GRIA2: variants seen among roughly 807,000 people sequenced by gnomAD.
GRIA2 encodes the protein glutamate receptor 2.
A neutral mutation model predicts 97.3 loss-of-function variants in GRIA2; 14 were observed. That is an observed-to-expected ratio of 0.14 (90% CI 0.10 to 0.23). The LOEUF is 0.23. Among genes scored for constraint, GRIA2 ranks in the 10% least tolerant of loss-of-function variants. GRIA2 has a pLI of 1.00. For synonymous variants in GRIA2, 412 were observed against 387.8 expected, an observed-to-expected ratio of 1.06 and a Z score of -0.73; for missense variants, 558 against 1,069.8, an observed-to-expected ratio of 0.52 and a Z score of 6.67.
chr4:157,361,256 C>A lies in GRIA2; in HGVS notation c.2406+132C>A. 1 of 686,646 alleles carries A rather than the reference C, an allele frequency of 1.5e-6. No homozygotes were observed. Among genetic ancestry groups the A allele is most frequent in the Non-Finnish European group, 2.5e-6 (1 of 400,018 alleles). The allele number at this position is 686,646 out of a possible 1,614,324, so 42.5% of individuals were successfully genotyped here. ...GAAGAGTGCAATTGGATGACCAGGA[C>A]ACTTGACTTCTTCTTTCTTTCTTCC... On this transcript the variant is annotated intron_variant, in intron 14 of 15. Coordinates refer to ENST00000264426, the MANE Select transcript of GRIA2 (RefSeq NM_001083619.3). The surrounding 1 kb of genome is among the most constrained non-coding windows in gnomAD (Gnocchi z 5.2).
intron 2 of GRIA2, among the ~76,000 whole-genome samples, chr4:157,240,294 G>A (rs542319980): frequency 6.4e-4 from 97 of 152,092 alleles, no homozygotes; most frequent in Admixed American, 1.8e-3. Flanking sequence ...ATCTTACTGA[G>A]TATTTCTATT....
chr4:157,336,849 C>G (rs533408613), intron 11 of GRIA2, 102 bp downstream of exon 11: 21 of 1,068,666 alleles, frequency 2.0e-5, no homozygotes, highest in Admixed American at 8.6e-5. Flanking sequence ...TGCCGACTTC[C>G]TGTCCAAGCA....
Position 157,307,027 on chromosome 4 carries a change from C to A in GRIA2, c.469+3236C>A, listed in dbSNP as rs184104602. On this transcript the variant is annotated intron_variant, in intron 3 of 15. Coordinates refer to ENST00000264426, the MANE Select transcript of GRIA2 (RefSeq NM_001083619.3). Reference sequence around the variant, plus strand: ...CTGTTCTTGATGGGCTGTCTCTTCACCTCCTTGATTATGTGATTATTTTTA... The same window carrying A: ...CTGTTCTTGATGGGCTGTCTCTTCAACTCCTTGATTATGTGATTATTTTTA... Among the ~76,000 whole-genome samples, 13 of 152,238 alleles carry A rather than the reference C, an allele frequency of 8.5e-5. No homozygotes were observed. The East Asian group carries it at 2.5e-3, about 29-fold the overall frequency.
chr4:157,247,220 T>A (rs1009083936), intron 2 of GRIA2, among the ~76,000 whole-genome samples: 2 of 152,172 alleles, frequency 1.3e-5, no homozygotes, highest in Non-Finnish European at 2.9e-5. Flanking sequence ...AAACTCAGAT[T>A]CATCATCTCC....
At chr4:157,234,778 G>T (rs62331520) in intron 2 of GRIA2, among the ~76,000 whole-genome samples, 11,232 of 152,130 alleles carry the variant, frequency 0.074, 531 homozygotes, top group Non-Finnish European at 0.1. Flanking sequence ...TCTTTTGCCT[G>T]TTTCTAGTCT....
At chr4:157,307,675 A>C (rs1395226519) in intron 3 of GRIA2, among the ~76,000 whole-genome samples, 1 of 152,244 alleles carries the variant, frequency 6.6e-6, no homozygotes, top group Non-Finnish European at 1.5e-5. Context: ...GACTTAATCC[A>C]AATGTGGTTT....
chr4:157,287,215 T>G (rs1732886085), intron 2 of GRIA2, among the ~76,000 whole-genome samples: 1 of 151,728 alleles, frequency 6.6e-6, no homozygotes, highest in African/African-American at 2.4e-5. Context: ...GTTAAATTTA[T>G]TATTTTGGAG....
At chr4:157,307,190 T>A (rs953824341) in intron 3 of GRIA2, among the ~76,000 whole-genome samples, 4 of 152,190 alleles carry the variant, frequency 2.6e-5, no homozygotes, top group African/African-American at 2.4e-5. Context: ...GCCCTAATCA[T>A]GAACTAGATG....
chr4:157,261,898 T>G (rs1461094018), intron 2 of GRIA2, among the ~76,000 whole-genome samples: 1 of 152,108 alleles, frequency 6.6e-6, no homozygotes, highest in Non-Finnish European at 1.5e-5. Context: ...CATCAGTCTG[T>G]GGAAGACCTA....
At chr4:157,362,733 C>T in intron 14 of GRIA2, 66 bp from the exon 15 acceptor site, 1 of 1,317,210 alleles carries the variant, frequency 7.6e-7, no homozygotes, top group South Asian at 1.3e-5. Context: ...TGCTATGTGA[C>T]ATTGCTGTTC....
Position 157,239,108 on chromosome 4 carries a change from C to T in GRIA2, c.229+17301C>T, listed in dbSNP as rs550041133. On this transcript the variant is annotated intron_variant, in intron 2 of 15. Coordinates refer to ENST00000264426, the MANE Select transcript of GRIA2 (RefSeq NM_001083619.3). The stretch of plus-strand genomic sequence containing the variant: ...ACATCTAGCAATTTAATGCTTCTGC[C>T]GAGGCAAGAACCATGCCACATCAGC... Among the ~76,000 whole-genome samples the T allele has an allele frequency of 3.0e-3, 455 of 151,980 alleles. 1 individual carries two copies. Among genetic ancestry groups the T allele is most frequent in the African/African-American group, 0.01 (428 of 41,438 alleles).
intron 2 of GRIA2, among the ~76,000 whole-genome samples, chr4:157,289,485 A>C (rs1007520399): frequency 2.6e-5 from 4 of 151,936 alleles, no homozygotes; most frequent in Non-Finnish European, 4.4e-5. Context: ...TATTTTGTAG[A>C]GGTTGTAGAA....
intron 6 of GRIA2, among the ~76,000 whole-genome samples, chr4:157,330,247 G>C (rs952479647): frequency 6.6e-5 from 10 of 151,912 alleles, no homozygotes; most frequent in African/African-American, 2.4e-4. Context: ...ATCTGGACTT[G>C]AGCCTTGTCT....
At chr4:157,283,175 C>T (rs1732686312) in intron 2 of GRIA2, among the ~76,000 whole-genome samples, 1 of 151,952 alleles carries the variant, frequency 6.6e-6, no homozygotes, top group Non-Finnish European at 1.5e-5. Flanking sequence ...CCTCAAGTTA[C>T]ACTGTAAGAG....
In GRIA2 at chr4:157,363,595, C is replaced by T. The variant is rs757202069; in HGVS notation, c.*164C>T. On this transcript the variant is annotated 3_prime_UTR_variant, in exon 16 of 16. Coordinates refer to ENST00000264426, the MANE Select transcript of GRIA2 (RefSeq NM_001083619.3). ...ATGAATGTCAGTGTGACTGATCTCT[C>T]GTGATTGATAAGAACCTTTTGAGTG... 4.2e-5 allele frequency: 52 copies of T among 1,232,108 alleles called. No individual in the cohort carries two copies. In the African/African-American group the frequency reaches 6.8e-4, roughly 16 times the overall value. The allele number at this position is 1,232,108 out of a possible 1,614,324, so 76.3% of individuals were successfully genotyped here. A position where few individuals can be genotyped will look rare whatever the true frequency, so the allele number is the denominator to read the frequency against.
At chr4:157,334,178 G>A (rs1735184110) in intron 9 of GRIA2, 58 bp downstream of exon 9, 1 of 823,122 alleles carries the variant, frequency 1.2e-6, no homozygotes, top group East Asian at 2.4e-5. Flanking sequence ...AATATCTGCA[G>A]GAGTAGCTAT....
At chr4:157,242,046 T>C (rs1730534159) in intron 2 of GRIA2, among the ~76,000 whole-genome samples, 1 of 152,244 alleles carries the variant, frequency 6.6e-6, no homozygotes, top group South Asian at 2.1e-4. Context: ...TAAAACCTTA[T>C]ATTCACAATT....
At chr4:157,287,025 C>T (rs1732877392) in intron 2 of GRIA2, among the ~76,000 whole-genome samples, 1 of 151,538 alleles carries the variant, frequency 6.6e-6, no homozygotes, top group Admixed American at 6.6e-5. Flanking sequence ...CTTTAAATTA[C>T]TGTCTCCTAT....
At chr4:157,340,361 T>A (rs1030688683) in intron 11 of GRIA2, among the ~76,000 whole-genome samples, 5 of 151,940 alleles carry the variant, frequency 3.3e-5, no homozygotes, top group African/African-American at 1.2e-4. Flanking sequence ...ATCAAATCTT[T>A]CAAAATAATA....
Sources: allele counts gnomAD v4.1 joint callset (sites outside exome capture counted in the v4.1 genomes callset), GRCh38; gene constraint gnomAD v4.1.1; non-coding constraint Gnocchi (gnomAD v3.1); transcripts MANE v1.5; gene names NCBI Gene and HGNC (gene_info 2026-07-23, HGNC 2026-07-21).